Variants in IL17B observed in about 807,000 individuals in gnomAD.
IL17B encodes interleukin 17B.
IL17B carries 14 observed loss-of-function variants against 14.7 expected under a neutral mutation model. That is an observed-to-expected ratio of 0.95 (90% CI 0.63 to 1.49). The LOEUF is 1.49. Ranked by LOEUF, IL17B falls within the 40% of genes most tolerant of loss-of-function variation. The pLI is 0.00. For synonymous variants in IL17B, 105 were observed against 94.8 expected, an observed-to-expected ratio of 1.11 and a Z score of -0.62; for missense variants, 233 against 252.8, an observed-to-expected ratio of 0.92 and a Z score of 0.53.
intron 1 of IL17B, among the ~76,000 whole-genome samples, chr5:149,389,949 G>A (rs1391279979): frequency 6.6e-6 from 1 of 152,192 alleles, no homozygotes; most frequent in Non-Finnish European, 1.5e-5. Flanking sequence ...ATGGGCAGGG[G>A]TTGGGGCCTC....
chr5:149,379,451 A>G (rs353272), upstream of IL17B, among the ~76,000 whole-genome samples: 17,381 of 152,068 alleles, frequency 0.11, 1,344 homozygotes, highest in Non-Finnish European at 0.17. Context: ...CCAGGAGCCG[A>G]GCTGAGGTGC....
At chr5:149,384,094 G>A (rs1758767857), upstream of IL17B, among the ~76,000 whole-genome samples, 1 of 152,184 alleles carries the variant, frequency 6.6e-6, no homozygotes, top group Non-Finnish European at 1.5e-5. Context: ...ATCTCTCTAG[G>A]AATATCATTT....
intron 1 of IL17B, among the ~76,000 whole-genome samples, chr5:149,396,156 C>G: frequency 6.6e-6 from 1 of 152,212 alleles, no homozygotes; most frequent in Non-Finnish European, 1.5e-5. Context: ...ACACCTAATT[C>G]CAAATCTGTC....
rs772510012 is a variant in IL17B, at chr5:149,374,390, C to T, written c.522G>A (p.Val174=). The T allele has an allele frequency of 1.3e-6, 2 of 1,586,002 alleles. No homozygotes were observed. Among genetic ancestry groups the T allele is most frequent in the East Asian group, 4.5e-5 (2 of 44,454 alleles). ...RQRAVMETIA[V]GCTCIF The stretch of plus-strand genomic sequence containing the variant: ...TGATTCAGAAGATGCAGGTGCAGCC[C>T]ACAGCGATGGTCTCCATGACTGCGC... Residue 174 remains valine (V), a synonymous_variant, in exon 3 of 3, where the codon GTG becomes GTA. Coordinates refer to ENST00000261796, the MANE Select transcript of IL17B (RefSeq NM_014443.3). The surrounding 1 kb of genome is among the most constrained non-coding windows in gnomAD (Gnocchi z 5.0).
chr5:149,403,401 C>T (rs1238638219), intron 1 of IL17B, among the ~76,000 whole-genome samples: 1 of 152,088 alleles, frequency 6.6e-6, no homozygotes. Flanking sequence ...GGCAGCTTTC[C>T]ATGGTATGAT....
At position 149,374,727 on chromosome 5, in the gene IL17B, G is replaced by A; in HGVS notation, c.312-127C>T. 3 of 694,148 alleles carry A rather than the reference G, an allele frequency of 4.3e-6. No individual in the cohort carries two copies. Among genetic ancestry groups the A allele is most frequent in the South Asian group, 4.2e-5 (2 of 47,464 alleles). The allele number at this position is 694,148 out of a possible 1,614,324, so 43.0% of individuals were successfully genotyped here. On this transcript the variant is annotated intron_variant, in intron 2 of 2. Coordinates refer to ENST00000261796, the MANE Select transcript of IL17B (RefSeq NM_014443.3). This position sits in a 1 kb window ranked among gnomAD's most constrained non-coding sequence, Gnocchi z 5.0. The stretch of plus-strand genomic sequence containing the variant: ...TCCACAGCAAGACTGTGTTGGGCTG[G>A]AGGAAAGGCAGTAATCAACTCCATG...
chr5:149,375,742 C>G (rs964102793), intron 2 of IL17B, among the ~76,000 whole-genome samples: 1 of 151,962 alleles, frequency 6.6e-6, no homozygotes, highest in Non-Finnish European at 1.5e-5. Context: ...AAAAAAAAAT[C>G]AGCCAGGTAT....
At chr5:149,384,266 A>G (rs1475759198), upstream of IL17B, among the ~76,000 whole-genome samples, 1 of 152,094 alleles carries the variant, frequency 6.6e-6, no homozygotes, top group Non-Finnish European at 1.5e-5. Flanking sequence ...CCCTTATTAT[A>G]TGGTCATGTC....
chr5:149,393,941 C>G (rs1759041698), intron 1 of IL17B, among the ~76,000 whole-genome samples: 1 of 152,192 alleles, frequency 6.6e-6, no homozygotes, highest in African/African-American at 2.4e-5. Flanking sequence ...AATGCCATAA[C>G]TCTGAATGTT....
At chr5:149,397,326 G>A (rs910336306) in intron 1 of IL17B, among the ~76,000 whole-genome samples, 4 of 152,064 alleles carry the variant, frequency 2.6e-5, no homozygotes, top group Admixed American at 2.6e-4. Flanking sequence ...CCGCCATCAG[G>A]CCCGGCTAAT....
chr5:149,375,269 G>C (rs927978214), intron 2 of IL17B, among the ~76,000 whole-genome samples: 2 of 152,118 alleles, frequency 1.3e-5, no homozygotes, highest in Non-Finnish European at 2.9e-5. Context: ...TTCCCTCCTG[G>C]TGCTCTCAGG....
At chr5:149,379,073 G>A in intron 1 of IL17B, 132 bp downstream of exon 1, 2 of 1,067,284 alleles carry the variant, frequency 1.9e-6, no homozygotes, top group Non-Finnish European at 2.8e-6. Context: ...CTAGTCCTGG[G>A]GGAGAAGACA....
At chr5:149,378,080 C>T (rs890253102) in intron 1 of IL17B, among the ~76,000 whole-genome samples, 1 of 151,106 alleles carries the variant, frequency 6.6e-6, no homozygotes, top group African/African-American at 2.4e-5. Context: ...GGAGGCGGAG[C>T]TTGCAGTGAG....
chr5:149,398,753 A>C (rs1422069200), intron 1 of IL17B, among the ~76,000 whole-genome samples: 1 of 152,186 alleles, frequency 6.6e-6, no homozygotes, highest in Admixed American at 6.5e-5. Context: ...CTAAAAATAC[A>C]AAATTTGCTG....
At chr5:149,401,286 G>A (rs542099664) in intron 1 of IL17B, among the ~76,000 whole-genome samples, 2 of 152,170 alleles carry the variant, frequency 1.3e-5, no homozygotes, top group Non-Finnish European at 2.9e-5. Context: ...TCCTGCACAT[G>A]GACCCTGACT....
chr5:149,393,448 C>G (rs924025735), intron 1 of IL17B, among the ~76,000 whole-genome samples: 1 of 152,174 alleles, frequency 6.6e-6, no homozygotes, highest in East Asian at 1.9e-4. Flanking sequence ...ATCTCTAGAG[C>G]CCCAGGCCTA....
chr5:149,395,282 G>A (rs1340993975), intron 1 of IL17B, among the ~76,000 whole-genome samples: 1 of 152,106 alleles, frequency 6.6e-6, no homozygotes, highest in Non-Finnish European at 1.5e-5. Flanking sequence ...GGGCATTTAG[G>A]TTGATACCAT....
At chr5:149,402,215 T>G (rs992645377) in intron 1 of IL17B, among the ~76,000 whole-genome samples, 3 of 152,162 alleles carry the variant, frequency 2.0e-5, no homozygotes, top group Non-Finnish European at 4.4e-5. Context: ...GGAGCTAATC[T>G]TGGTGAGTAA....
intron 2 of IL17B, 37 bp downstream of exon 2, chr5:149,376,699 C>A: frequency 6.4e-7 from 1 of 1,561,484 alleles, no homozygotes; most frequent in South Asian, 1.2e-5. Flanking sequence ...AAGGTCCCCA[C>A]CCCCCAAAGA....
Sources: allele counts gnomAD v4.1 joint callset (sites outside exome capture counted in the v4.1 genomes callset), GRCh38; gene constraint gnomAD v4.1.1; non-coding constraint Gnocchi (gnomAD v3.1); transcripts MANE v1.5; gene names NCBI Gene and HGNC (gene_info 2026-07-23, HGNC 2026-07-21).